MYCBP2: variants seen among roughly 807,000 people sequenced by gnomAD.
The protein encoded by MYCBP2 is MYC binding protein 2, also known as E3 ubiquitin-protein ligase MYCBP2.
A neutral mutation model predicts 525.3 loss-of-function variants in MYCBP2; 120 were observed. The ratio of observed to expected loss-of-function variants is 0.23; its 90% confidence interval spans 0.20 to 0.27. MYCBP2 has a LOEUF of 0.27. Ranked by LOEUF, MYCBP2 falls within the 10% of genes least tolerant of loss-of-function variation. MYCBP2 has a pLI of 1.00. For synonymous variants in MYCBP2, 1,894 were observed against 1,955.8 expected (o/e 0.97, Z 0.83); for missense variants, 4,149 against 5,657.1 (o/e 0.73, Z 8.55).
chr13:77,048,287 C>T (rs1329424152), intron 82 of MYCBP2, among the ~76,000 whole-genome samples: 1 of 152,158 alleles, frequency 6.6e-6, no homozygotes, highest in Non-Finnish European at 1.5e-5. Flanking sequence ...GACACCTCGA[C>T]TGCTAATTCC....
At chr13:77,308,775 T>C (rs905792454) in intron 1 of MYCBP2, among the ~76,000 whole-genome samples, 3 of 152,198 alleles carry the variant, frequency 2.0e-5, no homozygotes, top group Admixed American at 6.5e-5. Context: ...TGAAGCCAGT[T>C]ACCCTGATGG....
At chr13:77,145,801 A>C (rs1338477028) in intron 48 of MYCBP2, among the ~76,000 whole-genome samples, 2 of 152,084 alleles carry the variant, frequency 1.3e-5, no homozygotes, top group African/African-American at 4.8e-5. Flanking sequence ...CCACATGCTG[A>C]AATCTCTCCA....
chr13:77,080,585 T>C (rs2043130755), intron 65 of MYCBP2: 1 of 152,174 alleles, frequency 6.6e-6, no homozygotes, highest in Non-Finnish European at 1.5e-5. Context: ...AGAATATAAA[T>C]TATGATTATT....
In MYCBP2 at chr13:77,081,251, C is replaced by T. The variant is rs529987146; in HGVS notation, c.11418+176G>A. 1.8e-5 allele frequency: 11 copies of T among 602,622 alleles called. No homozygotes were observed. In the African/African-American group the frequency reaches 1.9e-4, roughly 10 times the overall value. The allele number at this position is 602,622 out of a possible 1,614,324, so 37.3% of individuals were successfully genotyped here. A position where few individuals can be genotyped will look rare whatever the true frequency, so the allele number is the denominator to read the frequency against. ...TTTTCAGAAATGGAATTCCACAGTG[C>T]TCCCAATCATATTAATTTGTTTTTA... is the stretch of plus-strand genomic sequence containing the variant. On this transcript the variant is annotated intron_variant, in intron 65 of 82. Transcript: ENST00000544440. The surrounding 1 kb of genome is among the most constrained non-coding windows in gnomAD (Gnocchi z 4.6).
chr13:77,137,778 C>T lies in MYCBP2; in HGVS notation c.7659+1418G>A, dbSNP rs1159662587. Among the ~76,000 whole-genome samples the T allele has an allele frequency of 2.0e-5, 3 of 151,990 alleles. No individual in the cohort carries two copies. The South Asian group carries it at 6.2e-4, about 32-fold the overall frequency. On this transcript the variant is annotated intron_variant, in intron 52 of 82. Transcript: ENST00000544440. ...TAATTTTTTGCATTTTTAGTAGAGA[C>T]GGGGTTTCACCATGTTGGCCAGGCT...
chr13:77,182,979 T>C (rs1387003230), intron 32 of MYCBP2, among the ~76,000 whole-genome samples: 1 of 152,208 alleles, frequency 6.6e-6, no homozygotes, highest in Non-Finnish European at 1.5e-5. Context: ...GAGTAACTGC[T>C]AGTTTCATCA....
chr13:77,161,359 T>A (rs780603601), intron 44 of MYCBP2, among the ~76,000 whole-genome samples: 1 of 152,210 alleles, frequency 6.6e-6, no homozygotes. Flanking sequence ...AATGTGCTAG[T>A]TAATGCCTAA....
At chr13:77,246,021 T>C (rs1166360715) in intron 15 of MYCBP2, among the ~76,000 whole-genome samples, 1 of 152,140 alleles carries the variant, frequency 6.6e-6, no homozygotes, top group African/African-American at 2.4e-5. Flanking sequence ...GGGGTATATG[T>C]TGACAAAGAC....
chr13:77,152,467 T>G (rs182554387), intron 46 of MYCBP2, among the ~76,000 whole-genome samples: 109 of 152,320 alleles, frequency 7.2e-4, no homozygotes, highest in African/African-American at 2.3e-3. Flanking sequence ...CTCTCAAGCC[T>G]GGAAACCATG....
chr13:77,074,270 T>C (rs1274073240), intron 68 of MYCBP2, among the ~76,000 whole-genome samples: 1 of 152,082 alleles, frequency 6.6e-6, no homozygotes, highest in African/African-American at 2.4e-5. Context: ...CAATTGAACA[T>C]CTATATGCAA....
intron 22 of MYCBP2, 73 bp from the exon 23 acceptor site, chr13:77,211,393 G>T: frequency 1.3e-6 from 1 of 756,700 alleles, no homozygotes; most frequent in Non-Finnish European, 1.8e-6. Flanking sequence ...CCATAAAGTA[G>T]TATTATCTCC....
At chr13:77,210,072 T>C (rs1004003213) in intron 23 of MYCBP2, among the ~76,000 whole-genome samples, 3 of 152,188 alleles carry the variant, frequency 2.0e-5, no homozygotes, top group Non-Finnish European at 2.9e-5. Context: ...AGGAAAGAAG[T>C]GCTCAGCCCT....
At chr13:77,309,851 C>T (rs1471555101) in intron 1 of MYCBP2, among the ~76,000 whole-genome samples, 4 of 152,184 alleles carry the variant, frequency 2.6e-5, no homozygotes, top group African/African-American at 4.8e-5. Context: ...CAGTGGCTCA[C>T]GCCTGTAATC....
intron 17 of MYCBP2, among the ~76,000 whole-genome samples, chr13:77,239,883 A>AT (rs1282054840): frequency 9.8e-5 from 15 of 152,322 alleles, no homozygotes; most frequent in South Asian, 4.1e-4. Flanking sequence ...CCTAATCAGT[A>AT]TTTTTTTAAA....
At chr13:77,199,288 C>A (rs971807258) in intron 26 of MYCBP2, among the ~76,000 whole-genome samples, 1 of 152,208 alleles carries the variant, frequency 6.6e-6, no homozygotes, top group Non-Finnish European at 1.5e-5. Context: ...ACAGACGGCA[C>A]CTGGAAAATC....
intron 8 of MYCBP2, among the ~76,000 whole-genome samples, chr13:77,266,639 G>A (rs1223349008): frequency 6.7e-6 from 1 of 148,160 alleles, no homozygotes. Flanking sequence ...TTCAATATAT[G>A]TATAAATATG....
At chr13:77,174,536 G>A (rs1424505726) in intron 36 of MYCBP2, 47 bp from the exon 37 acceptor site, 10 of 1,454,910 alleles carry the variant, frequency 6.9e-6, no homozygotes, top group Non-Finnish European at 9.4e-6. Flanking sequence ...ATGTACAGAG[G>A]ATATATAAAA....
intron 2 of MYCBP2, among the ~76,000 whole-genome samples, chr13:77,294,117 T>A (rs188410389): frequency 1.8e-5 from 1 of 56,668 alleles, no homozygotes. Context: ...TATATATATA[T>A]ATATATATAT....
At chr13:77,177,641 T>G in intron 35 of MYCBP2, 107 bp downstream of exon 35, 1 of 897,618 alleles carries the variant, frequency 1.1e-6, no homozygotes, top group East Asian at 2.6e-5. Context: ...TTCTTTAGTG[T>G]CATTCATCAG....
Sources: gnomAD v4.1 joint callset for allele counts (sites outside exome capture counted in the v4.1 genomes callset) on GRCh38, gnomAD v4.1.1 for gene constraint, Gnocchi (gnomAD v3.1) non-coding constraint, MANE v1.5 for transcripts, NCBI Gene and HGNC (gene_info 2026-07-23, HGNC 2026-07-21) for gene names.